Variants in GPATCH8 observed in about 807,000 individuals in gnomAD.
GPATCH8 encodes G-patch domain containing 8.
Under a neutral mutation model 118.3 loss-of-function variants are expected in GPATCH8, and 18 were observed. The observed-to-expected ratio is 0.15, with a 90% CI of 0.11 to 0.23. GPATCH8 has a LOEUF of 0.23. Among genes scored for constraint, GPATCH8 ranks in the 10% least tolerant of loss-of-function variants. The pLI is 1.00. For missense variants in GPATCH8, 1,631 were observed against 1,873.8 expected, an observed-to-expected ratio of 0.87 and a Z score of 2.39; for synonymous variants, 659 against 684.7, an observed-to-expected ratio of 0.96 and a Z score of 0.59.
At chr17:44,493,571 T>C (rs1029794735) in intron 1 of GPATCH8, among the ~76,000 whole-genome samples, 3 of 152,080 alleles carry the variant, frequency 2.0e-5, no homozygotes, top group Admixed American at 6.6e-5. Context: ...GGCCAATCTA[T>C]ATACCACAAT....
chr17:44,483,186 T>A (rs1264468597), intron 1 of GPATCH8, among the ~76,000 whole-genome samples: 1,181 of 21,264 alleles, frequency 0.056, 97 homozygotes, highest in Non-Finnish European at 0.081. Context: ...AATATATATA[T>A]ATATATATAT....
rs1377189202 is a variant in GPATCH8, at chr17:44,435,167, T to C, written c.262-16A>G. On this transcript the variant is annotated splice_polypyrimidine_tract_variant and intron_variant, in intron 4 of 7. Coordinates refer to ENST00000591680, the MANE Select transcript of GPATCH8 (RefSeq NM_001002909.4). ...CATAATCAAGCTTGACAAAAATAGA[T>C]ATGATTAGATTTAATTCCTAAAGTA... 7 of 1,179,674 alleles carry C rather than the reference T, an allele frequency of 5.9e-6. No homozygotes were observed. Among genetic ancestry groups the C allele is most frequent in the Middle Eastern group, 1.9e-4 (1 of 5,244 alleles). 73.1% of individuals were successfully genotyped at this position (1,179,674 alleles called of 1,614,324 possible). A position where few individuals can be genotyped will look rare whatever the true frequency, so the allele number is the denominator to read the frequency against.
chr17:44,424,177 C>CTA lies in GPATCH8; in HGVS notation c.492+170_492+171dup, dbSNP rs1449541734. 2.0e-5 allele frequency among the ~76,000 whole-genome samples: 3 copies of CTA among 152,250 alleles called. No individual in the cohort carries two copies. In the South Asian group the frequency reaches 6.2e-4, roughly 32 times the overall value. On this transcript the variant is annotated intron_variant, in intron 6 of 7. Transcript: ENST00000591680. ...TGGGAGTGTGGGCTGGAGGTGGTGTCTATGTCAGGATTTCTGCCACTGAAA... is the reference window on the plus strand; with the variant it reads ...TGGGAGTGTGGGCTGGAGGTGGTGTCTATATGTCAGGATTTCTGCCACTGAAA...
At chr17:44,486,753 G>C (rs1388406990) in intron 1 of GPATCH8, 1 of 152,108 alleles carries the variant, frequency 6.6e-6, no homozygotes, top group African/African-American at 2.4e-5. Flanking sequence ...GGTAATCATT[G>C]TTTTCAATTT....
At chr17:44,492,290 G>A (rs1157283231) in intron 1 of GPATCH8, among the ~76,000 whole-genome samples, 8 of 102,562 alleles carry the variant, frequency 7.8e-5, no homozygotes, top group Non-Finnish European at 1.2e-4. Flanking sequence ...GACAGAGTGA[G>A]ACGTCTCAAA....
Position 44,399,304 on chromosome 17 carries a change from G to A in GPATCH8, c.2773C>T (p.Arg925Trp), listed in dbSNP as rs200052795. 11 of 1,613,916 alleles carry A rather than the reference G, an allele frequency of 6.8e-6. No homozygotes were observed. The highest frequency in any genetic ancestry group is 4.4e-5 in the South Asian group (4 of 91,062). ...TCATCAGAAGATGAATATTTGTGCC[G>A]TTTTGATCGGTGTTTGGAGCTGGCA... Reference protein sequence around the residue: ...DYASSKHRSKRHKYSSSDDDY... With the variant: ...DYASSKHRSKWHKYSSSDDDY... The change falls in exon 8 of 8, where the codon CGG becomes TGG. Residue 925 changes from arginine (R) to tryptophan (W), a missense_variant. Coordinates refer to ENST00000591680, the MANE Select transcript of GPATCH8 (RefSeq NM_001002909.4).
chr17:44,487,324 C>T (rs534612815), intron 1 of GPATCH8, among the ~76,000 whole-genome samples: 1 of 152,276 alleles, frequency 6.6e-6, no homozygotes, highest in African/African-American at 2.4e-5. Context: ...CATGTCTTTT[C>T]CTGGCTTGAT....
intron 5 of GPATCH8, among the ~76,000 whole-genome samples, chr17:44,429,390 C>A (rs377322076): frequency 6.6e-6 from 1 of 151,958 alleles, no homozygotes; most frequent in African/African-American, 2.4e-5. Context: ...ATGTGTATTC[C>A]TTGAACACAG....
In GPATCH8 at chr17:44,414,075, ATATATG is replaced by A. The variant is rs1329088150; in HGVS notation, c.493-8030_493-8025del. 2.1e-4 allele frequency among the ~76,000 whole-genome samples: 29 copies of A among 140,376 alleles called. No homozygotes were observed. In the East Asian group the frequency reaches 2.2e-3, roughly 11 times the overall value. The allele number at this position is 140,376 out of a possible 152,430, so 92.1% of individuals were successfully genotyped here. On this transcript the variant is annotated intron_variant, in intron 6 of 7. Coordinates refer to ENST00000591680, the MANE Select transcript of GPATCH8 (RefSeq NM_001002909.4). ...CTTTAAGGCATATATATATATATAT[ATATATG>A]TGTGTGTATATATATATATGTGTGT...
rs140526220 is a variant in GPATCH8 at position 44,450,429 on chromosome 17, C to T, written c.194-13884G>A. Among the ~76,000 whole-genome samples, 362 of 152,262 alleles carry T rather than the reference C, an allele frequency of 2.4e-3. 1 individual carries two copies. The highest frequency in any genetic ancestry group is 8.2e-3 in the African/African-American group (339 of 41,546). On this transcript the variant is annotated intron_variant, in intron 3 of 7. Coordinates refer to ENST00000591680, the MANE Select transcript of GPATCH8 (RefSeq NM_001002909.4). ...CAATTTCAACAACGTATGCTATCAT[C>T]GGGCCCCAACTCCTACTTCAGGTCT...
intron 3 of GPATCH8, among the ~76,000 whole-genome samples, chr17:44,449,604 C>T (rs1463553538): frequency 6.6e-6 from 1 of 151,790 alleles, no homozygotes; most frequent in Non-Finnish European, 1.5e-5. Context: ...GCAACCTCCG[C>T]CTCCCAGGTT....
intron 1 of GPATCH8, among the ~76,000 whole-genome samples, chr17:44,475,147 G>A (rs1269517909): frequency 5.9e-5 from 9 of 152,128 alleles, no homozygotes; most frequent in Non-Finnish European, 1.2e-4. Context: ...AGGAGGCTGA[G>A]GCAGGTGGAT....
intron 5 of GPATCH8, among the ~76,000 whole-genome samples, chr17:44,431,102 G>A (rs1311751727): frequency 6.6e-6 from 1 of 151,638 alleles, no homozygotes. Flanking sequence ...CAGGCACAGT[G>A]GCTCACGCCT....
At chr17:44,469,395 C>A (rs954547578) in intron 2 of GPATCH8, among the ~76,000 whole-genome samples, 1 of 152,162 alleles carries the variant, frequency 6.6e-6, no homozygotes, top group Non-Finnish European at 1.5e-5. Context: ...ACCACCAATA[C>A]ACATGTATGA....
chr17:44,401,153 A>C lies in GPATCH8; in HGVS notation c.924T>G (p.Ala308=). The change falls in exon 8 of 8, where the codon GCT becomes GCG. Residue 308 remains alanine (A), a synonymous_variant. Coordinates refer to ENST00000591680, the MANE Select transcript of GPATCH8 (RefSeq NM_001002909.4). ...ATGCTATTGATTCGAGTTTGACAGG[A>C]GCCTTTTTGGCAAAAGAAAATGACA... ...LGVSFSFAKK[A]PVKLESIASV... is the part of the protein sequence containing the mutation. 6.2e-7 allele frequency: 1 copy of C among 1,614,116 alleles called. No individual in the cohort carries two copies.
chr17:44,404,951 G>A (rs2049162549), intron 7 of GPATCH8, among the ~76,000 whole-genome samples: 1 of 152,162 alleles, frequency 6.6e-6, no homozygotes. Context: ...CAAAATTACA[G>A]CTAACTAGGA....
chr17:44,444,986 T>C (rs1163015170), intron 3 of GPATCH8, among the ~76,000 whole-genome samples: 1 of 152,208 alleles, frequency 6.6e-6, no homozygotes, highest in Admixed American at 6.5e-5. Context: ...AAGATACTAA[T>C]GATTTAACTC....
chr17:44,427,664 C>T (rs1411473435), intron 5 of GPATCH8, among the ~76,000 whole-genome samples: 4 of 151,766 alleles, frequency 2.6e-5, no homozygotes, highest in African/African-American at 7.3e-5. Context: ...AAGAACTTTA[C>T]AAAACATGAA....
Position 44,399,612 on chromosome 17 carries a change from T to A in GPATCH8, c.2465A>T (p.Asp822Val), listed in dbSNP as rs558199413. ...CTGGTGCAGCCGGTGTGAGGAAGCA[T>A]CATCACTATCCTCATCTCCACTACT... is the stretch of plus-strand genomic sequence containing the variant. ...QPSSGDEDSD[D>V]ASSHRLHQKS... The change falls in exon 8 of 8, where the codon GAT becomes GTT. Residue 822 changes from aspartate to valine, a missense_variant. This residue lies in a region of GPATCH8 where 922 missense variants were observed against 879.7 expected (regional missense o/e 1.05). Coordinates refer to ENST00000591680, the MANE Select transcript of GPATCH8 (RefSeq NM_001002909.4). 13 of 1,614,164 alleles carry A rather than the reference T, an allele frequency of 8.1e-6. No individual in the cohort carries two copies. In the Admixed American group the frequency reaches 1.8e-4, roughly 23 times the overall value.
Sources: gnomAD v4.1 joint callset for allele counts (sites outside exome capture counted in the v4.1 genomes callset) on GRCh38, gnomAD v4.1.1 for gene constraint, gnomAD v4.1.1 regional missense constraint, MANE v1.5 for transcripts, NCBI Gene and HGNC (gene_info 2026-07-23, HGNC 2026-07-21) for gene names.